Variants in KIAA1586 observed in about 807,000 individuals in gnomAD.
The protein encoded by KIAA1586 is KIAA1586.
A neutral mutation model predicts 6.1 loss-of-function variants in KIAA1586; 5 were observed. The ratio of observed to expected loss-of-function variants is 0.82; its 90% CI spans 0.43 to 1.73. The LOEUF (loss-of-function observed/expected upper bound fraction) is 1.73. Ranked by LOEUF, KIAA1586 falls within the 40% of genes most tolerant of loss-of-function variation. The pLI, the probability that KIAA1586 is intolerant of heterozygous loss-of-function variation, is 0.02. For missense variants in KIAA1586, 899 were observed against 878.2 expected (o/e 1.02, Z -0.30); for synonymous variants, 280 against 301.7 (o/e 0.93, Z 0.75).
downstream of KIAA1586, among the ~76,000 whole-genome samples, chr6:57,055,838 C>G (rs1317374944): frequency 6.6e-6 from 1 of 152,112 alleles, no homozygotes; most frequent in Non-Finnish European, 1.5e-5. Flanking sequence ...TTGCAGTTTG[C>G]TGTGGCAGAG....
the KIAA1586 span, among the ~76,000 whole-genome samples, chr6:57,066,298 A>T: frequency 6.6e-6 from 1 of 152,056 alleles, no homozygotes; most frequent in Non-Finnish European, 1.5e-5. Context: ...AAAAAATTCA[A>T]ATTTCCAAGA....
chr6:57,051,895 A>G (rs1828338850), intron 3 of KIAA1586, among the ~76,000 whole-genome samples: 1 of 151,788 alleles, frequency 6.6e-6, no homozygotes. Context: ...AATTGCTTGA[A>G]CCCGGGAGGT....
At chr6:57,055,954 A>C (rs184989899), downstream of KIAA1586, among the ~76,000 whole-genome samples, 2 of 152,348 alleles carry the variant, frequency 1.3e-5, 1 homozygote, top group Admixed American at 1.3e-4. Flanking sequence ...AATCAATGAA[A>C]TTTAGTCACC....
In KIAA1586 at chr6:57,053,623, T is replaced by G. The variant is rs890573730; in HGVS notation, c.1124T>G (p.Phe375Cys). The G allele has an allele frequency of 6.2e-7, 1 of 1,611,494 alleles. No individual in the cohort carries two copies. The highest frequency in any genetic ancestry group is 8.5e-7 in the Non-Finnish European group (1 of 1,178,290). ...TTGACTACTTTAAATGATTGTGGTT[T>G]TACAAATGAATATTTGAAAGCAAAT... ...TLLTTLNDCG[F>C]TNEYLKANLI... Residue 375 changes from phenylalanine (F) to cysteine (C), a missense_variant, in exon 4 of 4, where the codon TTT becomes TGT. Phe to Cys is a radical substitution (Grantham distance 205, BLOSUM62 -2). Coordinates refer to ENST00000370733, the MANE Select transcript of KIAA1586 (RefSeq NM_020931.4).
At chr6:57,060,111 C>T (rs952316650), downstream of KIAA1586, among the ~76,000 whole-genome samples, 4 of 152,136 alleles carry the variant, frequency 2.6e-5, no homozygotes, top group African/African-American at 9.7e-5. Flanking sequence ...ATTCAGACAA[C>T]AAGAAAGTCA....
rs912687483 is a variant in KIAA1586, at chr6:57,052,799, G to A, written c.300G>A (p.Leu100=). The A allele has an allele frequency of 6.2e-7, 1 of 1,613,680 alleles. No homozygotes were observed. Among genetic ancestry groups the A allele is most frequent in the Non-Finnish European group, 8.5e-7 (1 of 1,179,772 alleles). Residue 100 remains leucine (L), a synonymous_variant, in exon 4 of 4, where the codon TTG becomes TTA. Coordinates refer to ENST00000370733, the MANE Select transcript of KIAA1586 (RefSeq NM_020931.4). ...NNEVSKNHCR[L]SKAKEPHFEY... ...AAGTGAGCAAAAATCACTGCAGATT[G>A]TCTAAGGCAAAGGAACCACATTTCG...
the KIAA1586 span, among the ~76,000 whole-genome samples, chr6:57,064,059 C>G: frequency 2.6e-5 from 4 of 152,200 alleles, no homozygotes; most frequent in Non-Finnish European, 5.9e-5. Context: ...AAGGGAGCAA[C>G]AGGCTTGCTG....
intron 3 of KIAA1586, among the ~76,000 whole-genome samples, chr6:57,051,589 C>G (rs906607913): frequency 6.6e-5 from 10 of 151,752 alleles, no homozygotes; most frequent in Admixed American, 4.6e-4. Flanking sequence ...TGTGATGTGT[C>G]TCTGCTAGAC....
At chr6:57,057,336 T>G (rs1828513916), downstream of KIAA1586, among the ~76,000 whole-genome samples, 1 of 152,126 alleles carries the variant, frequency 6.6e-6, no homozygotes, top group African/African-American at 2.4e-5. Context: ...TGAAAAATCA[T>G]AAGTACATTT....
the KIAA1586 span, among the ~76,000 whole-genome samples, chr6:57,064,828 TTC>T: frequency 6.6e-6 from 1 of 152,194 alleles, no homozygotes; most frequent in Non-Finnish European, 1.5e-5. Flanking sequence ...CTGGAAGAGC[TTC>T]TGTCACCAGC....
In KIAA1586 at chr6:57,055,050, A is replaced by G. The variant is rs1209928330; in HGVS notation, c.*187A>G. 4.9e-6 allele frequency: 3 copies of G among 607,210 alleles called. No individual in the cohort carries two copies. The highest frequency in any genetic ancestry group is 7.9e-6 in the Non-Finnish European group (3 of 380,868). The allele number at this position is 607,210 out of a possible 1,614,324, so 37.6% of individuals were successfully genotyped here. On this transcript the variant is annotated 3_prime_UTR_variant, in exon 4 of 4. Coordinates refer to ENST00000370733, the MANE Select transcript of KIAA1586 (RefSeq NM_020931.4). The stretch of plus-strand genomic sequence containing the variant: ...GCTATAGTTTTTTAGAGATTGGCCC[A>G]TGTTTGCTAGAGTGGGTCATAATAC...
chr6:57,049,246 G>A (rs1299016874), intron 2 of KIAA1586, among the ~76,000 whole-genome samples: 1 of 152,148 alleles, frequency 6.6e-6, no homozygotes, highest in African/African-American at 2.4e-5. Context: ...AATACACTCA[G>A]AGACAACTTT....
downstream of KIAA1586, among the ~76,000 whole-genome samples, chr6:57,055,931 A>G (rs978151575): frequency 6.6e-6 from 1 of 152,236 alleles, no homozygotes; most frequent in African/African-American, 2.4e-5. Context: ...ATTATATTTC[A>G]TATGCCAAAA....
At position 57,054,486 on chromosome 6, in the gene KIAA1586, A is replaced by G; in HGVS notation, c.1987A>G (p.Lys663Glu). 6.3e-7 allele frequency: 1 copy of G among 1,596,030 alleles called. No homozygotes were observed. ...ATTATTTCATTTGTGTAAAATTTTA[A>G]AATATGAAGTTGATTTGAATGATTT... ...KTLFHLCKIL[K>E]YEVDLNDFRE... is the part of the protein sequence containing the mutation. Residue 663 changes from lysine (K) to glutamate (E), a missense_variant, in exon 4 of 4, where the codon AAA becomes GAA. By Grantham distance (56) the Lys-to-Glu change is moderately conservative. Transcript: ENST00000370733.
chr6:57,060,351 CT>C, the KIAA1586 span, among the ~76,000 whole-genome samples: 1 of 152,116 alleles, frequency 6.6e-6, no homozygotes, highest in African/African-American at 2.4e-5. Flanking sequence ...TTGCCAGAAG[CT>C]TTTCCAAGCA....
Position 57,054,479 on chromosome 6 carries a change from A to G in KIAA1586, c.1980A>G (p.Lys660=). The change falls in exon 4 of 4, where the codon AAA becomes AAG. Residue 660 remains lysine, a synonymous_variant. Transcript: ENST00000370733. ...AGEKTLFHLC[K]ILKYEVDLND... Reference sequence around the variant, plus strand: ...AAAAAACATTATTTCATTTGTGTAAAATTTTAAAATATGAAGTTGATTTGA... The same window carrying G: ...AAAAAACATTATTTCATTTGTGTAAGATTTTAAAATATGAAGTTGATTTGA... 6.3e-7 allele frequency: 1 copy of G among 1,597,748 alleles called. No individual in the cohort carries two copies. Among genetic ancestry groups the G allele is most frequent in the Non-Finnish European group, 8.5e-7 (1 of 1,173,942 alleles).
Position 57,053,795 on chromosome 6 carries a change from C to T in KIAA1586, c.1296C>T (p.Ser432=), listed in dbSNP as rs573485451. The T allele has an allele frequency of 5.1e-5, 79 of 1,534,250 alleles. No homozygotes were observed. The highest frequency in any genetic ancestry group is 3.5e-4 in the Middle Eastern group (2 of 5,686). The change falls in exon 4 of 4, where the codon TCC becomes TCT. Residue 432 remains serine, a synonymous_variant. Transcript: ENST00000370733. ...AATTGTCACTTGATGATTCTATATC[C>T]GAAATAAAACAAATTAATCATTTAA... ...RLQLSLDDSI[S]EIKQINHLKI... is the part of the protein sequence containing the mutation.
At chr6:57,049,647 C>G (rs1828271626) in intron 2 of KIAA1586, among the ~76,000 whole-genome samples, 1 of 152,114 alleles carries the variant, frequency 6.6e-6, no homozygotes, top group African/African-American at 2.4e-5. Context: ...TTCCTCCTTG[C>G]CATCACTATT....
the KIAA1586 span, among the ~76,000 whole-genome samples, chr6:57,061,179 T>G: frequency 6.6e-6 from 1 of 151,634 alleles, no homozygotes; most frequent in East Asian, 2.0e-4. Context: ...AGTTTCACCA[T>G]GTTGGCCAGG....
Sources: allele counts gnomAD v4.1 joint callset (sites outside exome capture counted in the v4.1 genomes callset), GRCh38; gene constraint gnomAD v4.1.1; transcripts MANE v1.5; gene names NCBI Gene and HGNC (gene_info 2026-07-23, HGNC 2026-07-21).